Variants in LRP1B observed in about 807,000 individuals in gnomAD.
LRP1B encodes the protein low-density lipoprotein receptor-related protein 1B.
A neutral mutation model predicts 556.6 loss-of-function variants in LRP1B; 217 were observed. The ratio of observed to expected loss-of-function variants is 0.39; its 90% CI spans 0.35 to 0.44. The LOEUF is 0.44. Ranked by LOEUF, LRP1B falls within the 20% of genes least tolerant of loss-of-function variation. The pLI, the probability that LRP1B is intolerant of heterozygous loss-of-function variation, is 1.00. For synonymous variants in LRP1B, 2,047 were observed against 1,865.8 expected, an observed-to-expected ratio of 1.10 and a Z score of -2.50; for missense variants, 5,053 against 5,620.8, an observed-to-expected ratio of 0.90 and a Z score of 3.23.
Position 141,950,062 on chromosome 2 carries a change from ATTTAGTGG to A in LRP1B, c.83-139669_83-139662del, listed in dbSNP as rs1200628952. ...ATGCATACTTGTATGTTCGGCCTTG[ATTTAGTGG>A]TAAGTTTGGGTAATGATTAGGTATT... On this transcript the variant is annotated intron_variant, in intron 1 of 90. Transcript: ENST00000389484. 3.9e-5 allele frequency among the ~76,000 whole-genome samples: 6 copies of A among 152,266 alleles called. No homozygotes were observed. The East Asian group carries it at 1.2e-3, about 29-fold the overall frequency.
intron 3 of LRP1B, among the ~76,000 whole-genome samples, chr2:141,315,981 A>G (rs190012114): frequency 1.9e-4 from 27 of 144,062 alleles, no homozygotes; most frequent in African/African-American, 7.0e-4. Flanking sequence ...TGTGACCAAC[A>G]TCTAATATCT....
intron 41 of LRP1B, among the ~76,000 whole-genome samples, chr2:140,677,946 G>T (rs1425095511): frequency 1.3e-5 from 2 of 151,324 alleles, no homozygotes; most frequent in East Asian, 3.9e-4. Flanking sequence ...GAGTGGCATT[G>T]TTCTATGCAC....
intron 5 of LRP1B, among the ~76,000 whole-genome samples, chr2:141,240,470 G>A (rs1160687433): frequency 6.6e-6 from 1 of 151,880 alleles, no homozygotes; most frequent in Non-Finnish European, 1.5e-5. Flanking sequence ...TAAAGCAACA[G>A]AAAAATTATA....
chr2:141,983,745 T>C (rs916065931), intron 1 of LRP1B, among the ~76,000 whole-genome samples: 1 of 152,074 alleles, frequency 6.6e-6, no homozygotes, highest in South Asian at 2.1e-4. Flanking sequence ...AATGTGACAA[T>C]GGCAATAAAA....
intron 7 of LRP1B, among the ~76,000 whole-genome samples, chr2:141,067,621 C>A (rs1382203919): frequency 6.6e-6 from 1 of 151,946 alleles, no homozygotes; most frequent in Non-Finnish European, 1.5e-5. Flanking sequence ...TTACCTAAAC[C>A]TGCCCCATTT....
At chr2:140,357,876 A>C (rs575106137) in intron 74 of LRP1B, 103 bp downstream of exon 74, 4 of 1,339,712 alleles carry the variant, frequency 3.0e-6, no homozygotes, top group Non-Finnish European at 4.1e-6. Context: ...TCAGTCAAGC[A>C]TACTTTGAAG....
chr2:141,415,272 C>T lies in LRP1B; in HGVS notation c.343+65124G>A, dbSNP rs144979883. Among the ~76,000 whole-genome samples the T allele has an allele frequency of 6.9e-3, 1,044 of 152,290 alleles. 12 individuals carry two copies. Among genetic ancestry groups the T allele is most frequent in the African/African-American group, 0.024 (988 of 41,552 alleles). On this transcript the variant is annotated intron_variant, in intron 3 of 90. Coordinates refer to ENST00000389484, the MANE Select transcript of LRP1B (RefSeq NM_018557.3). The stretch of plus-strand genomic sequence containing the variant: ...TTGTGATCCGCCTGCCTCGGCCTCC[C>T]AAAGTGCTGGGATTACAGGCGTGAG...
At position 142,130,788 on chromosome 2, in the gene LRP1B, G is replaced by T; in HGVS notation, c.-59C>A. The T allele has an allele frequency of 8.5e-7, 1 of 1,174,636 alleles. No individual in the cohort carries two copies. The highest frequency in any genetic ancestry group is 1.2e-6 in the Non-Finnish European group (1 of 824,584). The allele number at this position is 1,174,636 out of a possible 1,614,324, so 72.8% of individuals were successfully genotyped here. A position where few individuals can be genotyped will look rare whatever the true frequency, so the allele number is the denominator to read the frequency against. On this transcript the variant is annotated 5_prime_UTR_variant, in exon 1 of 91. Coordinates refer to ENST00000389484, the MANE Select transcript of LRP1B (RefSeq NM_018557.3). ...ACTGCTCGGCGGCACCTTCGGCCCG[G>T]CGGCGGCGGCGGCGGCAGGGGCCGC... is the stretch of plus-strand genomic sequence containing the variant.
chr2:140,718,855 ATTT>A (rs11395192), intron 35 of LRP1B, among the ~76,000 whole-genome samples: 1 of 150,918 alleles, frequency 6.6e-6, no homozygotes, highest in African/African-American at 2.4e-5. Flanking sequence ...GTCTTCACAT[ATTT>A]TTTTTTCTTT....
chr2:140,267,944 A>G (rs1682284770), intron 86 of LRP1B, among the ~76,000 whole-genome samples: 1 of 65,172 alleles, frequency 1.5e-5, no homozygotes, highest in African/African-American at 3.5e-5. Flanking sequence ...CAAAAAGTGG[A>G]AAAAAAAATC....
At chr2:140,369,054 A>G (rs2105161106) in intron 71 of LRP1B, among the ~76,000 whole-genome samples, 1 of 152,046 alleles carries the variant, frequency 6.6e-6, no homozygotes, top group South Asian at 2.1e-4. Flanking sequence ...AATATTTAGT[A>G]GAATAATTTT....
intron 20 of LRP1B, among the ~76,000 whole-genome samples, chr2:140,946,823 C>A (rs1594153): frequency 0.62 from 94,690 of 152,050 alleles, 31,803 homozygotes; most frequent in South Asian, 0.75. Flanking sequence ...TACATGTATA[C>A]CATGGAATAC....
Position 141,062,194 on chromosome 2 carries a change from T to C in LRP1B, c.1093A>G (p.Ile365Val), listed in dbSNP as rs1173600743. ...GCTGGCTGCTCTGTCTTTGAATCAA[T>C]TATCCTTGTTCGGTTCATCCCATCC... ...DMDGMNRTRI[I>V]DSKTEQPAAL... Residue 365 changes from isoleucine (I) to valine (V), a missense_variant, in exon 8 of 91, where the codon ATT (isoleucine) becomes GTT (valine). By Grantham distance (29) the Ile-to-Val change is conservative (BLOSUM62 3). This residue lies in a region of LRP1B where 3,619 missense variants were observed against 3,931.9 expected (regional missense o/e 0.92). Coordinates refer to ENST00000389484, the MANE Select transcript of LRP1B (RefSeq NM_018557.3). 3 of 1,611,818 alleles carry C rather than the reference T, an allele frequency of 1.9e-6. No homozygotes were observed. The highest frequency in any genetic ancestry group is 2.7e-5 in the African/African-American group (2 of 74,748).
chr2:141,716,130 A>C (rs1692575336), intron 2 of LRP1B, among the ~76,000 whole-genome samples: 1 of 152,158 alleles, frequency 6.6e-6, no homozygotes. Context: ...ATAAAAGATG[A>C]GGTTCACAAA....
At chr2:140,875,362 G>T (rs1693272629) in intron 25 of LRP1B, among the ~76,000 whole-genome samples, 3 of 152,074 alleles carry the variant, frequency 2.0e-5, no homozygotes, top group Admixed American at 2.0e-4. Context: ...CTTAATAAAG[G>T]TTATAAAAGG....
At chr2:141,656,341 A>G (rs1009546861) in intron 2 of LRP1B, among the ~76,000 whole-genome samples, 1 of 152,146 alleles carries the variant, frequency 6.6e-6, no homozygotes, top group Non-Finnish European at 1.5e-5. Flanking sequence ...ATATGAAGGA[A>G]TCCCTTATAA....
chr2:140,922,690 TA>T (rs1302620358), intron 21 of LRP1B, among the ~76,000 whole-genome samples: 3 of 151,878 alleles, frequency 2.0e-5, no homozygotes, highest in African/African-American at 7.3e-5. Context: ...ATTAATTAAT[TA>T]AATTAAATCC....
At chr2:140,392,995 T>C (rs1191995299) in intron 66 of LRP1B, among the ~76,000 whole-genome samples, 9 of 151,806 alleles carry the variant, frequency 5.9e-5, no homozygotes, top group African/African-American at 2.2e-4. Context: ...AGTGGTGCAA[T>C]CATAGCTCAC....
intron 1 of LRP1B, among the ~76,000 whole-genome samples, chr2:142,108,678 T>C (rs1455448516): frequency 6.6e-6 from 1 of 152,184 alleles, no homozygotes; most frequent in East Asian, 1.9e-4. Context: ...CTGAGGAGGC[T>C]TGGACATTCA....
Sources: gnomAD v4.1 joint callset for allele counts (sites outside exome capture counted in the v4.1 genomes callset) on GRCh38, gnomAD v4.1.1 for gene constraint, gnomAD v4.1.1 regional missense constraint, MANE v1.5 for transcripts, NCBI Gene and HGNC (gene_info 2026-07-23, HGNC 2026-07-21) for gene names.